The following ATP2B2 variants were observed in gnomAD, a reference collection of about 807,000 sequenced individuals.
The protein encoded by ATP2B2 is ATPase plasma membrane Ca2+ transporting 2, also known as plasma membrane calcium-transporting ATPase 2.
A neutral mutation model predicts 120.0 loss-of-function variants in ATP2B2; 15 were observed. That is an observed-to-expected ratio of 0.12 (90% CI 0.08 to 0.19). The LOEUF (loss-of-function observed/expected upper bound fraction) is 0.19, where lower values mean the gene tolerates loss of function less well. Ranked by LOEUF, ATP2B2 falls within the 10% of genes least tolerant of loss-of-function variation. The probability of loss-of-function intolerance (pLI) is 1.00; values close to 1 mark genes in which losing one functional copy is unlikely to be tolerated. For missense variants in ATP2B2, 1,045 were observed against 1,719.8 expected (o/e 0.61, Z 6.94); for synonymous variants, 694 against 700.3 (o/e 0.99, Z 0.14).
intron 1 of ATP2B2, among the ~76,000 whole-genome samples, chr3:10,486,320 C>CGTGT (rs1049628903): frequency 2.7e-4 from 31 of 115,888 alleles, no homozygotes; most frequent in South Asian, 5.4e-4. Flanking sequence ...GGTGTGTGTG[C>CGTGT]GTGCGTGTGT....
chr3:10,610,195 T>A (rs1400853491), intron 2 of ATP2B2, among the ~76,000 whole-genome samples: 1 of 150,806 alleles, frequency 6.6e-6, no homozygotes, highest in Non-Finnish European at 1.5e-5. Flanking sequence ...GTGTGTAAAA[T>A]TTTTTTTTAT....
chr3:10,426,184 T>C (rs747448027), intron 2 of ATP2B2, among the ~76,000 whole-genome samples: 1 of 152,116 alleles, frequency 6.6e-6, no homozygotes, highest in Non-Finnish European at 1.5e-5. Context: ...CCCTCCTAGA[T>C]AGGTTACACC....
intron 2 of ATP2B2, among the ~76,000 whole-genome samples, chr3:10,442,841 A>T (rs1482254480): frequency 6.6e-6 from 1 of 152,286 alleles, no homozygotes; most frequent in Non-Finnish European, 1.5e-5. Flanking sequence ...TGTGCCAGGC[A>T]CTAAGTGCTT....
intron 2 of ATP2B2, among the ~76,000 whole-genome samples, chr3:10,591,926 G>T (rs1191173828): frequency 1.3e-5 from 2 of 152,184 alleles, no homozygotes; most frequent in Admixed American, 6.5e-5. Flanking sequence ...GATACCCAAA[G>T]GTAAGGGGCA....
chr3:10,355,018 G>T (rs1480719150), intron 14 of ATP2B2, among the ~76,000 whole-genome samples: 1 of 152,182 alleles, frequency 6.6e-6, no homozygotes, highest in African/African-American at 2.4e-5. Context: ...AAAATCTGGG[G>T]ATAGTGGTTA....
At chr3:10,496,759 C>A (rs1012394337) in intron 1 of ATP2B2, among the ~76,000 whole-genome samples, 8 of 152,314 alleles carry the variant, frequency 5.3e-5, no homozygotes, top group South Asian at 4.1e-4. Flanking sequence ...CTCAGGGGGC[C>A]CATCTGGCTC....
chr3:10,536,665 T>C (rs1053206161), intron 2 of ATP2B2, among the ~76,000 whole-genome samples: 5 of 152,180 alleles, frequency 3.3e-5, no homozygotes, highest in Non-Finnish European at 7.3e-5. Context: ...TAGCTGGGAC[T>C]ACAAGTGTGC....
intron 2 of ATP2B2, among the ~76,000 whole-genome samples, chr3:10,436,786 C>A (rs1360105742): frequency 6.6e-6 from 1 of 152,176 alleles, no homozygotes; most frequent in East Asian, 1.9e-4. Flanking sequence ...GGCACACAGG[C>A]AGAAACAGGC....
chr3:10,471,364 C>CTGTGTGTGTG lies in ATP2B2; in HGVS notation c.-319-21512_-319-21503dup, dbSNP rs58583936. Among the ~76,000 whole-genome samples, 718 of 150,414 alleles carry CTGTGTGTGTG rather than the reference C, an allele frequency of 4.8e-3. 2 individuals are homozygous for CTGTGTGTGTG. Among genetic ancestry groups the CTGTGTGTGTG allele is most frequent in the Middle Eastern group, 0.01 (3 of 292 alleles). ...TGGTTTTAAAAGGGGTTCAGGAAAC[C>CTGTGTGTGTG]TGTGTGTGTGTGTGTGTGTGTGTGT... On this transcript the variant is annotated intron_variant, in intron 1 of 22. Coordinates refer to ENST00000360273, the MANE Select transcript of ATP2B2 (RefSeq NM_001001331.4).
rs569980636 is a variant in ATP2B2, at chr3:10,485,933, G to A, written c.-320+19532C>T. Among the ~76,000 whole-genome samples, 7 of 152,306 alleles carry A rather than the reference G, an allele frequency of 4.6e-5. No homozygotes were observed. In the South Asian group the frequency reaches 1.0e-3, roughly 23 times the overall value. On this transcript the variant is annotated intron_variant, in intron 1 of 22. Transcript: ENST00000360273. Reference sequence around the variant, plus strand: ...CACCCACCCCACAATGGCCCTGAGCGGATGTGGGGGCCAGGGCATCATGAA... The same window carrying A: ...CACCCACCCCACAATGGCCCTGAGCAGATGTGGGGGCCAGGGCATCATGAA...
At chr3:10,555,988 T>C (rs911857531) in intron 2 of ATP2B2, among the ~76,000 whole-genome samples, 8 of 152,178 alleles carry the variant, frequency 5.3e-5, no homozygotes, top group Non-Finnish European at 1.2e-4. Flanking sequence ...AACCTCTGCC[T>C]CCCGGGTTCA....
At chr3:10,454,577 C>T (rs2064185979) in intron 1 of ATP2B2, among the ~76,000 whole-genome samples, 2 of 152,190 alleles carry the variant, frequency 1.3e-5, no homozygotes, top group African/African-American at 4.8e-5. Context: ...ATGAGGTCAC[C>T]CCTTTTCTGG....
At chr3:10,377,801 G>A (rs1474632145) in intron 10 of ATP2B2, among the ~76,000 whole-genome samples, 1 of 152,228 alleles carries the variant, frequency 6.6e-6, no homozygotes, top group Non-Finnish European at 1.5e-5. Context: ...GATAAAGTCT[G>A]TGTTGCTTGG....
At chr3:10,410,333 C>T (rs537611958) in intron 3 of ATP2B2, among the ~76,000 whole-genome samples, 3 of 152,290 alleles carry the variant, frequency 2.0e-5, no homozygotes, top group Admixed American at 6.5e-5. Flanking sequence ...GTTGTCAGGG[C>T]GACATCTCAG....
At chr3:10,339,618 C>T (rs2060219260) in intron 21 of ATP2B2, among the ~76,000 whole-genome samples, 1 of 152,220 alleles carries the variant, frequency 6.6e-6, no homozygotes, top group African/African-American at 2.4e-5. Context: ...CCCTAAAGAG[C>T]ATCCAGCCCA....
Position 10,582,452 on chromosome 3 carries a change from C to T in ATP2B2, c.-415+37465G>A, listed in dbSNP as rs116826478. On this transcript the variant is annotated intron_variant, in intron 2 of 21. Transcript: ENST00000646379. ...ATCCAGGGATGGACTCTCGGACTGA[C>T]GTTCCAGTGGGGAGACAGATGATGA... Among the ~76,000 whole-genome samples the T allele has an allele frequency of 5.2e-3, 793 of 152,300 alleles. 6 individuals carry two copies. Among genetic ancestry groups the T allele is most frequent in the Non-Finnish European group, 7.6e-3 (517 of 68,030 alleles).
At chr3:10,462,418 G>T (rs1026669061) in intron 1 of ATP2B2, among the ~76,000 whole-genome samples, 22 of 152,086 alleles carry the variant, frequency 1.4e-4, no homozygotes, top group African/African-American at 4.8e-4. Context: ...TCTGGTTTAG[G>T]TTCATCCACA....
chr3:10,385,178 G>C, intron 8 of ATP2B2, 90 bp downstream of exon 8: 2 of 1,314,096 alleles, frequency 1.5e-6, no homozygotes, highest in South Asian at 2.4e-5. Context: ...GATCTGTGCA[G>C]TCCAGAACAA....
intron 1 of ATP2B2, among the ~76,000 whole-genome samples, chr3:10,621,671 T>G (rs573768437): frequency 6.6e-6 from 1 of 152,308 alleles, no homozygotes; most frequent in South Asian, 2.1e-4. Flanking sequence ...ATCTTACTAA[T>G]AAGGCCAACC....
Sources: gnomAD v4.1 joint callset for allele counts (sites outside exome capture counted in the v4.1 genomes callset) on GRCh38, gnomAD v4.1.1 for gene constraint, MANE v1.5 for transcripts, NCBI Gene and HGNC (gene_info 2026-07-23, HGNC 2026-07-21) for gene names.